Variants in EDA2R observed in about 807,000 individuals in gnomAD.
EDA2R encodes ectodysplasin A2 receptor.
Under a neutral mutation model 20.1 loss-of-function variants are expected in EDA2R, and 26 were observed. That is an observed-to-expected ratio of 1.30 (90% CI 0.95 to 1.80). EDA2R has a LOEUF of 1.80. EDA2R is among the 40% of genes most tolerant of loss of function. The pLI is 0.00. For missense variants in EDA2R, 277 were observed against 228.7 expected (o/e 1.21, Z -1.36); for synonymous variants, 114 against 88.7 (o/e 1.29, Z -1.60).
At chrX:66,622,685 T>C (rs1932775135) in intron 1 of EDA2R, among the ~76,000 whole-genome samples, 1 of 111,694 alleles carries the variant, frequency 9.0e-6, no homozygotes, top group African/African-American at 3.3e-5. Flanking sequence ...TTCTTGAAAA[T>C]CAAGCTTCTA....
rs751227513 is a variant in EDA2R, at chrX:66,596,243, C to T, written c.*1861G>A. On this transcript the variant is annotated 3_prime_UTR_variant, in exon 7 of 7. Coordinates refer to ENST00000374719, the MANE Select transcript of EDA2R (RefSeq NM_021783.5). ...AAAGCACAGTGCTCAAAGAAATATG[C>T]CTCAGCATTGAAAAGTAAAACTGTA... 1 of 111,189 alleles carries T rather than the reference C, an allele frequency of 9.0e-6. No homozygotes were observed. The highest frequency in any genetic ancestry group is 9.5e-5 in the Admixed American group (1 of 10,479). 9.2% of individuals were successfully genotyped at this position (111,189 alleles called of 1,213,427 possible).
rs1039802477 is a variant in EDA2R, at chrX:66,605,301, T to C, written c.88-75A>G. 5.1e-6 allele frequency: 5 copies of C among 984,154 alleles called. No individual in the cohort carries two copies. The African/African-American group carries it at 9.7e-5, about 19-fold the overall frequency. 81.1% of individuals were successfully genotyped at this position (984,154 alleles called of 1,213,427 possible). ...GGGATCACCTGTGGGACAAGTGGAC[T>C]GTACAGGGTAGTATTTTGCAACTTG... On this transcript the variant is annotated intron_variant, in intron 2 of 6. Transcript: ENST00000374719.
At position 66,623,329 on chromosome X, in the gene EDA2R, A is replaced by AT. The variant is rs994046283; in HGVS notation, c.-10-7300dup. 3.6e-4 allele frequency among the ~76,000 whole-genome samples: 40 copies of AT among 111,594 alleles called. 1 individual carries two copies. The highest frequency in any genetic ancestry group is 1.2e-3 in the African/African-American group (36 of 30,734). On this transcript the variant is annotated intron_variant, in intron 1 of 6. Transcript: ENST00000374719. ...TGAGGGAGAAACCCAAGGTCTATCC[A>AT]TTTTTTTCTAGGGAGAATAGAAAAT...
At chrX:66,606,034 C>A (rs1392327714) in intron 2 of EDA2R, among the ~76,000 whole-genome samples, 1 of 111,441 alleles carries the variant, frequency 9.0e-6, no homozygotes, top group Non-Finnish European at 1.9e-5. Context: ...TTCCCCCCGA[C>A]CCCCAGTTTC....
rs1333342184 is a variant in EDA2R at position 66,609,327 on chromosome X, G to A, written c.88-4101C>T. 2.7e-5 allele frequency among the ~76,000 whole-genome samples: 3 copies of A among 109,706 alleles called. No homozygotes were observed. In the East Asian group the frequency reaches 8.5e-4, roughly 31 times the overall value. On this transcript the variant is annotated intron_variant, in intron 2 of 6. Coordinates refer to ENST00000374719, the MANE Select transcript of EDA2R (RefSeq NM_021783.5). ...AGGAGTTGGAAAAAGTGAGCATCAG[G>A]CAGGCTCGAAATACTCCTTCCATTC...
chrX:66,628,517 AC>A (rs1933358878), intron 1 of EDA2R, among the ~76,000 whole-genome samples: 1 of 111,224 alleles, frequency 9.0e-6, no homozygotes, highest in African/African-American at 3.3e-5. Context: ...ATTAGGACTG[AC>A]ACCACTGAAA....
rs909246766 is a variant in EDA2R, at chrX:66,613,396, C to G, written c.87+2538G>C. Reference sequence around the variant, plus strand: ...GAAAGAGAAACAATCAGAAATAGATCACAAAATTGGAAAGGCAAATGGGCA... The same window carrying G: ...GAAAGAGAAACAATCAGAAATAGATGACAAAATTGGAAAGGCAAATGGGCA... On this transcript the variant is annotated intron_variant, in intron 2 of 6. Transcript: ENST00000374719. 5.7e-4 allele frequency among the ~76,000 whole-genome samples: 63 copies of G among 111,160 alleles called. 1 individual carries two copies. Among genetic ancestry groups the G allele is most frequent in the Non-Finnish European group, 1.2e-3 (63 of 52,935 alleles).
chrX:66,634,416 G>A (rs912863967), intron 1 of EDA2R, among the ~76,000 whole-genome samples: 1 of 111,143 alleles, frequency 9.0e-6, no homozygotes, highest in Non-Finnish European at 1.9e-5. Context: ...CTTTTGCCCA[G>A]TAAAGAAATA....
chrX:66,626,681 A>G (rs185611810), intron 1 of EDA2R, among the ~76,000 whole-genome samples: 21 of 109,169 alleles, frequency 1.9e-4, no homozygotes, highest in Admixed American at 1.6e-3. Flanking sequence ...TGGGAAATTC[A>G]TCTCAAAAAA....
intron 1 of EDA2R, among the ~76,000 whole-genome samples, chrX:66,635,927 G>T (rs976831686): frequency 3.6e-5 from 4 of 111,183 alleles, no homozygotes; most frequent in Non-Finnish European, 7.5e-5. Flanking sequence ...TTGAGATAGG[G>T]TCTCACTTTG....
chrX:66,613,858 G>A (rs1174194441), intron 2 of EDA2R, among the ~76,000 whole-genome samples: 1 of 111,493 alleles, frequency 9.0e-6, no homozygotes, highest in Admixed American at 9.6e-5. Context: ...AAATTTAAAA[G>A]TAAATAAAAG....
chrX:66,616,493 C>A (rs1004367883), intron 1 of EDA2R, among the ~76,000 whole-genome samples: 3 of 112,340 alleles, frequency 2.7e-5, no homozygotes, highest in African/African-American at 9.7e-5. Context: ...TTGATCTACA[C>A]AACATCCATG....
intron 5 of EDA2R, among the ~76,000 whole-genome samples, chrX:66,601,358 C>G (rs1265358925): frequency 2.7e-5 from 3 of 111,952 alleles, no homozygotes; most frequent in African/African-American, 9.8e-5. Flanking sequence ...AAGTCAGAGA[C>G]AGGAAGGTCT....
intron 1 of EDA2R, among the ~76,000 whole-genome samples, chrX:66,634,100 G>A (rs771366751): frequency 9.0e-6 from 1 of 111,708 alleles, no homozygotes; most frequent in East Asian, 2.8e-4. Context: ...AAACCAGTGG[G>A]CATTTACAAG....
intron 1 of EDA2R, among the ~76,000 whole-genome samples, chrX:66,618,626 G>A (rs1463794160): frequency 8.9e-6 from 1 of 111,846 alleles, no homozygotes; most frequent in Non-Finnish European, 1.9e-5. Flanking sequence ...CATGCCCAGT[G>A]CCTAGCCCTG....
chrX:66,612,452 G>A (rs1360797597), intron 2 of EDA2R, among the ~76,000 whole-genome samples: 2 of 109,556 alleles, frequency 1.8e-5, no homozygotes, highest in Non-Finnish European at 3.8e-5. Flanking sequence ...ACTTGAAATG[G>A]CAAAATGTTG....
At chrX:66,609,486 GT>G (rs1266230292) in intron 2 of EDA2R, among the ~76,000 whole-genome samples, 2 of 111,504 alleles carry the variant, frequency 1.8e-5, no homozygotes, top group Non-Finnish European at 3.8e-5. Context: ...AAGTTAAAGG[GT>G]TTCTTGGAAT....
At chrX:66,615,268 A>C (rs1931472929) in intron 2 of EDA2R, among the ~76,000 whole-genome samples, 1 of 112,027 alleles carries the variant, frequency 8.9e-6, no homozygotes, top group African/African-American at 3.2e-5. Flanking sequence ...AAAATTGCAT[A>C]AAATAGAGTG....
chrX:66,633,192 C>A (rs1934008953), intron 1 of EDA2R, among the ~76,000 whole-genome samples: 1 of 112,176 alleles, frequency 8.9e-6, no homozygotes, highest in African/African-American at 3.2e-5. Flanking sequence ...TGCGTACGTG[C>A]ACAAAGACAA....
Sources: gnomAD v4.1 joint callset for allele counts (sites outside exome capture counted in the v4.1 genomes callset) on GRCh38, gnomAD v4.1.1 for gene constraint, MANE v1.5 for transcripts, NCBI Gene and HGNC (gene_info 2026-07-23, HGNC 2026-07-21) for gene names.